DMD: variants seen among roughly 807,000 people sequenced by gnomAD.
DMD encodes mutant dystrophin.
DMD carries 63 observed loss-of-function variants against 330.1 expected under a neutral mutation model. That is an observed-to-expected ratio of 0.19 (90% CI 0.16 to 0.24). The LOEUF is 0.24. Ranked by LOEUF, DMD falls within the 10% of genes least tolerant of loss-of-function variation. DMD has a pLI of 1.00. For missense variants in DMD, 3,344 were observed against 2,684.1 expected (o/e 1.25, Z -5.43); for synonymous variants, 1,223 against 959.8 (o/e 1.27, Z -5.07).
chrX:31,377,166 G>GC (rs763361074), intron 60 of DMD, among the ~76,000 whole-genome samples: 15 of 111,792 alleles, frequency 1.3e-4, no homozygotes, highest in Non-Finnish European at 2.4e-4. Context: ...TGAGAGTAGA[G>GC]CGGGAGGTGG....
chrX:31,955,631 C>A (rs1452783525), intron 45 of DMD, among the ~76,000 whole-genome samples: 5 of 112,187 alleles, frequency 4.5e-5, no homozygotes, highest in Non-Finnish European at 9.4e-5. Context: ...TTGTAAAACT[C>A]TTATCAAAGT....
chrX:32,218,095 A>G (rs1262622319), intron 43 of DMD, among the ~76,000 whole-genome samples: 1 of 111,597 alleles, frequency 9.0e-6, no homozygotes, highest in Non-Finnish European at 1.9e-5. Context: ...AAAGAGACTG[A>G]GGCAGAAATA....
chrX:32,675,663 C>G (rs2061919330), intron 9 of DMD, among the ~76,000 whole-genome samples: 2 of 111,200 alleles, frequency 1.8e-5, no homozygotes, highest in African/African-American at 6.5e-5. Context: ...TTAATAGAAT[C>G]AATTCTGGAA....
chrX:32,692,485 G>A (rs2063348826), intron 9 of DMD, among the ~76,000 whole-genome samples: 1 of 111,702 alleles, frequency 9.0e-6, no homozygotes, highest in Admixed American at 9.5e-5. Flanking sequence ...GGGACAAGTT[G>A]TGCCAGGAGG....
intron 54 of DMD, among the ~76,000 whole-genome samples, chrX:31,647,463 CAT>C (rs2080171522): frequency 8.9e-6 from 1 of 111,998 alleles, no homozygotes. Context: ...ACTATAAAAA[CAT>C]AAAATCATAA....
At chrX:32,773,520 T>TA (rs199584650) in intron 7 of DMD, among the ~76,000 whole-genome samples, 6,083 of 103,983 alleles carry the variant, frequency 0.058, 179 homozygotes, top group Middle Eastern at 0.1. Context: ...CTTTTTATTT[T>TA]TTTTTTTTTT....
chrX:31,985,660 G>T (rs1303373376), intron 44 of DMD, among the ~76,000 whole-genome samples: 2 of 112,429 alleles, frequency 1.8e-5, no homozygotes, highest in Non-Finnish European at 3.8e-5. Context: ...ATTGCATCCT[G>T]CATCAGACAG....
rs377234140 is a variant in DMD, at chrX:33,295,478, T to A, written c.7+43781A>T. Among the ~76,000 whole-genome samples, 20 of 110,428 alleles carry A rather than the reference T, an allele frequency of 1.8e-4. No individual in the cohort carries two copies. The East Asian group carries it at 5.7e-3, about 31-fold the overall frequency. ...CCCCAAAGAGACATATATAGAGAGA[T>A]ACAGACATAAGTATATATAATATAA... On this transcript the variant is annotated intron_variant, in intron 1 of 17. Coordinates refer to the DMD transcript ENST00000288447.
intron 59 of DMD, among the ~76,000 whole-genome samples, chrX:31,471,432 G>A (rs1370007665): frequency 2.7e-5 from 3 of 111,698 alleles, no homozygotes; most frequent in Non-Finnish European, 5.6e-5. Flanking sequence ...TGCTTCCGGG[G>A]TGAGGCGACA....
chrX:31,699,039 C>G (rs1429873671), intron 52 of DMD, among the ~76,000 whole-genome samples: 1 of 111,693 alleles, frequency 9.0e-6, no homozygotes, highest in Admixed American at 9.5e-5. Flanking sequence ...GTTTACTCCT[C>G]TATTATATGG....
rs762009138 is a variant in DMD at position 31,968,539 on chromosome X, C to CA, written c.6439-26dup. Reference sequence around the variant, plus strand: ...CCTGTAAGATACCAAAAAGGCAAAACAAAAATGAAGCCCCATGTCTTTTTA... The same window carrying CA: ...CCTGTAAGATACCAAAAAGGCAAAACAAAAAATGAAGCCCCATGTCTTTTTA... On this transcript the variant is annotated intron_variant, in intron 44 of 78. Coordinates refer to ENST00000357033, the MANE Select transcript of DMD (RefSeq NM_004006.3). The CA allele has an allele frequency of 4.3e-5, 52 of 1,198,461 alleles. No homozygotes were observed. In the Middle Eastern group the frequency reaches 6.9e-4, roughly 16 times the overall value.
intron 44 of DMD, among the ~76,000 whole-genome samples, chrX:32,033,652 A>T (rs200526308): frequency 2.8e-5 from 1 of 35,210 alleles, no homozygotes; most frequent in Non-Finnish European, 4.4e-5. Flanking sequence ...AAAGAAAGAA[A>T]GAAGAAAGAA....
In DMD at chrX:31,120,342, T is replaced by C. The variant is rs2032183236; in HGVS notation, c.*1577A>G. ...GGTTTTTTTGTAACATTTGAATCAA[T>C]TTGCCTTCTTTCTTACTTACTTACA... is the stretch of plus-strand genomic sequence containing the variant. On this transcript the variant is annotated 3_prime_UTR_variant, in exon 79 of 79. Transcript: ENST00000357033. The C allele has an allele frequency of 2.8e-5, 3 of 107,732 alleles. No homozygotes were observed. Among genetic ancestry groups the C allele is most frequent in the African/African-American group, 1.1e-4 (3 of 27,959 alleles). The allele number at this position is 107,732 out of a possible 1,213,427, so 8.9% of individuals were successfully genotyped here.
rs2043144328 is a variant in DMD at position 32,492,925 on chromosome X, T to G, written c.2381-1407A>C. ...GGTTCTTTCTCTAGGTTAAAATACC[T>G]AAAAGTTCGAAGAGTAGTTTGGTAG... On this transcript the variant is annotated intron_variant, in intron 19 of 78. Transcript: ENST00000357033. 3.6e-5 allele frequency among the ~76,000 whole-genome samples: 4 copies of G among 111,483 alleles called. 1 individual carries two copies. In the South Asian group the frequency reaches 1.5e-3, roughly 41 times the overall value.
chrX:32,029,916 A>G (rs774085752), intron 44 of DMD, among the ~76,000 whole-genome samples: 1 of 111,598 alleles, frequency 9.0e-6, no homozygotes, highest in African/African-American at 3.3e-5. Context: ...ATGGGGTTCA[A>G]TGAAGAAATG....
At chrX:32,799,856 A>C (rs1321958370) in intron 7 of DMD, among the ~76,000 whole-genome samples, 2 of 111,354 alleles carry the variant, frequency 1.8e-5, no homozygotes, top group Non-Finnish European at 3.8e-5. Flanking sequence ...CACTAGAAAC[A>C]GCTCCTGAAA....
intron 18 of DMD, among the ~76,000 whole-genome samples, chrX:32,504,720 A>G (rs747283983): frequency 1.3e-4 from 15 of 111,360 alleles, no homozygotes; most frequent in African/African-American, 4.9e-4. Flanking sequence ...ATACACATGG[A>G]TATAAAGATG....
chrX:31,784,601 G>A (rs2091196660), intron 50 of DMD, among the ~76,000 whole-genome samples: 2 of 111,816 alleles, frequency 1.8e-5, no homozygotes, highest in African/African-American at 3.2e-5. Context: ...GTGTGAAAGC[G>A]ATATGCATTC....
intron 51 of DMD, among the ~76,000 whole-genome samples, chrX:31,750,088 G>T (rs2088370215): frequency 9.1e-6 from 1 of 110,155 alleles, no homozygotes; most frequent in African/African-American, 3.3e-5. Context: ...CTCCCATGTT[G>T]TAGGTTGCCT....
Sources: allele counts gnomAD v4.1 joint callset (sites outside exome capture counted in the v4.1 genomes callset), GRCh38; gene constraint gnomAD v4.1.1; transcripts MANE v1.5; gene names NCBI Gene and HGNC (gene_info 2026-07-23, HGNC 2026-07-21).